Variants in SMARCD2 observed in about 807,000 individuals in gnomAD.
The protein encoded by SMARCD2 is SWI/SNF-related matrix-associated actin-dependent regulator of chromatin subfamily D member 2.
SMARCD2 carries 39 observed loss-of-function variants against 70.4 expected under a neutral mutation model. That is an observed-to-expected ratio of 0.55 (90% confidence interval 0.43 to 0.72). The LOEUF is 0.72. Among genes scored for constraint, SMARCD2 ranks in the 30% least tolerant of loss-of-function variants. The pLI is 0.00. For synonymous variants in SMARCD2, 249 were observed against 279.4 expected (o/e 0.89, Z 1.08); for missense variants, 540 against 713.4 (o/e 0.76, Z 2.77).
Position 63,832,135 on chromosome 17 carries a change from G to A in SMARCD2, c.*803C>T, listed in dbSNP as rs1240704564. 7 of 718,468 alleles carry A rather than the reference G, an allele frequency of 9.7e-6. No individual in the cohort carries two copies. The highest frequency in any genetic ancestry group is 1.8e-5 in the South Asian group (1 of 56,280). The allele number at this position is 718,468 out of a possible 1,614,324, so 44.5% of individuals were successfully genotyped here. A position where few individuals can be genotyped will look rare whatever the true frequency, so the allele number is the denominator to read the frequency against. On this transcript the variant is annotated 3_prime_UTR_variant, in exon 13 of 13. Coordinates refer to ENST00000448276, the MANE Select transcript of SMARCD2 (RefSeq NM_001098426.2). The stretch of plus-strand genomic sequence containing the variant: ...TCCAAACCTGCCAGATGTGGCACTC[G>A]CCAAGCCCTAGGCCCACCCTCCTCA...
chr17:63,838,554 C>T (rs551396147), intron 1 of SMARCD2: 134 of 1,361,820 alleles, frequency 9.8e-5, no homozygotes, highest in Non-Finnish European at 2.2e-5. Flanking sequence ...GGCTGAGCAG[C>T]AGGAAAGTGG....
chr17:63,840,683 TCTC>T (rs1387596051), intron 1 of SMARCD2, among the ~76,000 whole-genome samples: 1 of 152,132 alleles, frequency 6.6e-6, no homozygotes, highest in Non-Finnish European at 1.5e-5. Context: ...TCAAGTCCCT[TCTC>T]CTGGCAGTCA....
chr17:63,834,602 C>T lies in SMARCD2; in HGVS notation c.820-27G>A, dbSNP rs776036402. On this transcript the variant is annotated intron_variant, in intron 6 of 12. Coordinates refer to ENST00000448276, the MANE Select transcript of SMARCD2 (RefSeq NM_001098426.2). This position sits in a 1 kb window ranked among gnomAD's most constrained non-coding sequence, Gnocchi z 5.6. ...TGGCAGGGAGGGAAGCATGGCTTAT[C>T]ACCAAGGGGGTGGGCGTGAACACAG... is the stretch of plus-strand genomic sequence containing the variant. 2.5e-6 allele frequency: 4 copies of T among 1,583,162 alleles called. No homozygotes were observed. In the Admixed American group the frequency reaches 5.1e-5, roughly 20 times the overall value.
chr17:63,833,676 C>T lies in SMARCD2; in HGVS notation c.1228G>A (p.Val410Met), dbSNP rs1394914316. Residue 410 changes from valine (V) to methionine (M), a missense_variant, in exon 10 of 13, where the codon GTG becomes ATG. Val to Met is a conservative substitution (Grantham distance 21). Coordinates refer to ENST00000448276, the MANE Select transcript of SMARCD2 (RefSeq NM_001098426.2). The surrounding 1 kb of genome is among the most constrained non-coding windows in gnomAD (Gnocchi z 4.3). ...GCCTTCAGTGGGTCGTCCACCTCCA[C>T]ATCGATGTCGTAACAGGCTGTCTTC... ...QKKTACYDID[V>M]EVDDPLKAQM... is the part of the protein sequence containing the mutation. The T allele has an allele frequency of 6.2e-7, 1 of 1,613,988 alleles. No homozygotes were observed. The highest frequency in any genetic ancestry group is 1.7e-5 in the Admixed American group (1 of 60,014).
rs948649062 is a variant in SMARCD2, at chr17:63,838,817, G to A, written c.217-1192C>T. On this transcript the variant is annotated intron_variant, in intron 1 of 12. Coordinates refer to ENST00000448276, the MANE Select transcript of SMARCD2 (RefSeq NM_001098426.2). Reference sequence around the variant, plus strand: ...ACCAAGCCCGGCAGGGTGGAGACTTGTACCAAATCAAAGGACCCTCCCCCA... The same window carrying A: ...ACCAAGCCCGGCAGGGTGGAGACTTATACCAAATCAAAGGACCCTCCCCCA... The A allele has an allele frequency of 4.3e-5, 54 of 1,259,446 alleles. 1 individual carries two copies. The African/African-American group carries it at 7.8e-4, about 18-fold the overall frequency. The allele number at this position is 1,259,446 out of a possible 1,614,324, so 78.0% of individuals were successfully genotyped here. A position where few individuals can be genotyped will look rare whatever the true frequency, so the allele number is the denominator to read the frequency against.
In SMARCD2 at chr17:63,834,561, G is replaced by A. The variant is rs748955144; in HGVS notation, c.834C>T (p.Pro278=). The change falls in exon 7 of 13, where the codon CCC becomes CCT. Residue 278 remains proline (P), a synonymous_variant. Coordinates refer to ENST00000448276, the MANE Select transcript of SMARCD2 (RefSeq NM_001098426.2). This position sits in a 1 kb window ranked among gnomAD's most constrained non-coding sequence, Gnocchi z 5.6. ...GGAAGCCATCTGTCTCCTGGGTGGTGGGCATCCGGTGCCACTGGCAGGGAG... is the reference window on the plus strand; with the variant it reads ...GGAAGCCATCTGTCTCCTGGGTGGTAGGCATCCGGTGCCACTGGCAGGGAG... ...DNHLVEWHRM[P]TTQETDGFQV... is the part of the protein sequence containing the mutation. The A allele has an allele frequency of 6.2e-7, 1 of 1,605,150 alleles. No homozygotes were observed.
At position 63,833,278 on chromosome 17, in the gene SMARCD2, C is replaced by G; in HGVS notation, c.1440+20G>C. On this transcript the variant is annotated intron_variant, in intron 11 of 12. Coordinates refer to ENST00000448276, the MANE Select transcript of SMARCD2 (RefSeq NM_001098426.2). The surrounding 1 kb of genome is among the most constrained non-coding windows in gnomAD (Gnocchi z 4.3). The stretch of plus-strand genomic sequence containing the variant: ...ACCCAGAGCTTTACATAGGAGTCCC[C>G]TCGGGAAAGAGGACTACACCTTGAG... The G allele has an allele frequency of 6.2e-7, 1 of 1,613,900 alleles. No individual in the cohort carries two copies. The highest frequency in any genetic ancestry group is 8.5e-7 in the Non-Finnish European group (1 of 1,179,842).
In SMARCD2 at chr17:63,834,187, A is replaced by G. The variant is rs2040234404; in HGVS notation, c.1063T>C (p.Cys355Arg). ...QDGHEREYINCNRYFRQIFSC... is the reference protein window; with the variant it reads ...QDGHEREYINRNRYFRQIFSC... ...CTAACCTGGCGGAAGTAACGGTTGC[A>G]GTTGATGTACTCCCGCTCGTGCCCA... Residue 355 changes from cysteine to arginine, a missense_variant, in exon 8 of 13, where the codon TGC (cysteine) becomes CGC (arginine). Cys to Arg is a radical substitution (Grantham distance 180). Coordinates refer to ENST00000448276, the MANE Select transcript of SMARCD2 (RefSeq NM_001098426.2). This position sits in a 1 kb window ranked among gnomAD's most constrained non-coding sequence, Gnocchi z 5.6. 2 of 1,608,474 alleles carry G rather than the reference A, an allele frequency of 1.2e-6. No individual in the cohort carries two copies. Among genetic ancestry groups the G allele is most frequent in the Non-Finnish European group, 1.7e-6 (2 of 1,177,284 alleles).
rs993655292 is a variant in SMARCD2 at position 63,832,273 on chromosome 17, T to C, written c.*665A>G. 1 of 402,378 alleles carries C rather than the reference T, an allele frequency of 2.5e-6. No individual in the cohort carries two copies. The highest frequency in any genetic ancestry group is 4.5e-6 in the Non-Finnish European group (1 of 219,998). 24.9% of individuals were successfully genotyped at this position (402,378 alleles called of 1,614,324 possible). A position where few individuals can be genotyped will look rare whatever the true frequency, so the allele number is the denominator to read the frequency against. On this transcript the variant is annotated 3_prime_UTR_variant, in exon 13 of 13. Transcript: ENST00000448276. The stretch of plus-strand genomic sequence containing the variant: ...CATGCTAGAGAACTGGAGTGTCCCC[T>C]CCCCGGCCCAAGCCGCTGGAGAGGC...
At chr17:63,835,653 A>C (rs1004817282) in intron 4 of SMARCD2, 86 bp from the exon 5 acceptor site, 1 of 1,335,876 alleles carries the variant, frequency 7.5e-7, no homozygotes, top group Non-Finnish European at 1.1e-6. Context: ...GAACCATTCA[A>C]CAATCAGTAC....
At position 63,842,621 on chromosome 17, in the gene SMARCD2, G is replaced by T; in HGVS notation, c.54C>A (p.Gly18=). 8.1e-7 allele frequency: 1 copy of T among 1,229,692 alleles called. No homozygotes were observed. Among genetic ancestry groups the T allele is most frequent in the African/African-American group, 1.6e-5 (1 of 63,890 alleles). The allele number at this position is 1,229,692 out of a possible 1,614,324, so 76.2% of individuals were successfully genotyped here. A position where few individuals can be genotyped will look rare whatever the true frequency, so the allele number is the denominator to read the frequency against. Residue 18 remains glycine, a synonymous_variant, in exon 1 of 13, where the codon GGC becomes GGA. Coordinates refer to ENST00000448276, the MANE Select transcript of SMARCD2 (RefSeq NM_001098426.2). ...CTCCCAGGGCCGCAGCCACGGCGCC[G>T]CCGCCAGGGCTTAGCGGGGGCAGCG... is the stretch of plus-strand genomic sequence containing the variant. ...GFPLPPLSPG[G]GAVAAALGAP...
chr17:63,833,045 A>G lies in SMARCD2; in HGVS notation c.1542+24T>C, dbSNP rs1432669331. On this transcript the variant is annotated intron_variant, in intron 12 of 12. Coordinates refer to ENST00000448276, the MANE Select transcript of SMARCD2 (RefSeq NM_001098426.2). The surrounding 1 kb of genome is among the most constrained non-coding windows in gnomAD (Gnocchi z 4.3). ...GGCCTTTGCTACTCACGGCCAAAGG[A>G]GGGAAAACAGGGCAGAGCCTCACCT... 7 of 1,586,768 alleles carry G rather than the reference A, an allele frequency of 4.4e-6. No homozygotes were observed. Among genetic ancestry groups the G allele is most frequent in the Non-Finnish European group, 6.0e-6 (7 of 1,167,234 alleles).
rs2040244941 is a variant in SMARCD2, at chr17:63,834,855, A to G, written c.724-55T>C. The G allele has an allele frequency of 3.3e-6, 4 of 1,230,594 alleles. No homozygotes were observed. The highest frequency in any genetic ancestry group is 3.0e-5 in the African/African-American group (2 of 67,194). The allele number at this position is 1,230,594 out of a possible 1,614,324, so 76.2% of individuals were successfully genotyped here. A position where few individuals can be genotyped will look rare whatever the true frequency, so the allele number is the denominator to read the frequency against. ...CTGCTGAGCTCTCAAATCTCAAGCT[A>G]TGCTAAATCCCAAGAAAGAGAAGCC... is the stretch of plus-strand genomic sequence containing the variant. On this transcript the variant is annotated intron_variant, in intron 5 of 12. Coordinates refer to ENST00000448276, the MANE Select transcript of SMARCD2 (RefSeq NM_001098426.2). This position sits in a 1 kb window ranked among gnomAD's most constrained non-coding sequence, Gnocchi z 5.6.
chr17:63,842,277 G>A, intron 1 of SMARCD2, 182 bp downstream of exon 1: 2 of 1,067,466 alleles, frequency 1.9e-6, no homozygotes, highest in Non-Finnish European at 2.3e-6. Context: ...TGCAGAACCT[G>A]CTTCCCCTTC....
rs2040282303 is a variant in SMARCD2 at position 63,837,560 on chromosome 17, G to A, written c.282C>T (p.Gly94=). ...GCGGAGCTGCTGCACCAAATGGGGA[G>A]CCAGCAGGGGGTCCCACCTGCAAGC... The part of the protein sequence containing the change: ...MAGLQVGPPA[G]SPFGAAAPLR... Residue 94 remains glycine (G), a synonymous_variant, in exon 2 of 13, where the codon GGC becomes GGT. Coordinates refer to ENST00000448276, the MANE Select transcript of SMARCD2 (RefSeq NM_001098426.2). The surrounding 1 kb of genome is among the most constrained non-coding windows in gnomAD (Gnocchi z 6.4). 1 of 1,612,128 alleles carries A rather than the reference G, an allele frequency of 6.2e-7. No individual in the cohort carries two copies. Among genetic ancestry groups the A allele is most frequent in the Non-Finnish European group, 8.5e-7 (1 of 1,179,164 alleles).
chr17:63,835,215 T>TG (rs1193674602), intron 5 of SMARCD2, 197 bp downstream of exon 5: 7 of 577,864 alleles, frequency 1.2e-5, no homozygotes, highest in South Asian at 8.8e-5. Context: ...CTCGACCTCC[T>TG]GGGCTCAAGC....
chr17:63,835,754 G>C, intron 4 of SMARCD2, 187 bp from the exon 5 acceptor site: 1 of 468,896 alleles, frequency 2.1e-6, no homozygotes, highest in Non-Finnish European at 3.8e-6. Flanking sequence ...TTTAGACATG[G>C]TCTCACTCTG....
At position 63,837,325 on chromosome 17, in the gene SMARCD2, C is replaced by CT; in HGVS notation, c.402-89dup. 4 of 1,534,068 alleles carry CT rather than the reference C, an allele frequency of 2.6e-6. No homozygotes were observed. Among genetic ancestry groups the CT allele is most frequent in the Non-Finnish European group, 3.6e-6 (4 of 1,107,316 alleles). On this transcript the variant is annotated intron_variant, in intron 2 of 12. Coordinates refer to ENST00000448276, the MANE Select transcript of SMARCD2 (RefSeq NM_001098426.2). This position sits in a 1 kb window ranked among gnomAD's most constrained non-coding sequence, Gnocchi z 6.4. Reference sequence around the variant, plus strand: ...ACGCCCCTCCAGTCTCCAGGACCCTCTCCCCCAGGAGAGCCTGGAGTCATC... The same window carrying CT: ...ACGCCCCTCCAGTCTCCAGGACCCTCTTCCCCCAGGAGAGCCTGGAGTCATC...
intron 1 of SMARCD2, chr17:63,838,888 G>A (rs1391195996): frequency 1.2e-5 from 12 of 985,198 alleles, no homozygotes; most frequent in Non-Finnish European, 1.4e-5. Flanking sequence ...TCTTCATCCC[G>A]CACTAAACCC....
Sources: allele counts gnomAD v4.1 joint callset (sites outside exome capture counted in the v4.1 genomes callset), GRCh38; gene constraint gnomAD v4.1.1; non-coding constraint Gnocchi (gnomAD v3.1); transcripts MANE v1.5; gene names NCBI Gene and HGNC (gene_info 2026-07-23, HGNC 2026-07-21).